Variants in ONECUT2 observed in about 807,000 individuals in gnomAD.
The protein encoded by ONECUT2 is one cut homeobox 2.
Under a neutral mutation model 27.9 loss-of-function variants are expected in ONECUT2, and 10 were observed. The observed-to-expected ratio is 0.36, with a 90% CI of 0.22 to 0.61. The LOEUF (loss-of-function observed/expected upper bound fraction) is 0.61, where lower values mean the gene tolerates loss of function less well. Among genes scored for constraint, ONECUT2 ranks in the 20% least tolerant of loss-of-function variants. ONECUT2 has a pLI of 0.73. For missense variants in ONECUT2, 686 were observed against 721.0 expected (o/e 0.95, Z 0.56); for synonymous variants, 334 against 315.1 (o/e 1.06, Z -0.64).
At chr18:57,462,558 C>G (rs958294625) in intron 1 of ONECUT2, among the ~76,000 whole-genome samples, 1 of 151,574 alleles carries the variant, frequency 6.6e-6, no homozygotes, top group African/African-American at 2.4e-5. Flanking sequence ...TGGCTAACTT[C>G]TTAAAATTGT....
chr18:57,465,936 T>G (rs1598940315), intron 1 of ONECUT2, among the ~76,000 whole-genome samples: 1 of 152,168 alleles, frequency 6.6e-6, no homozygotes, highest in East Asian at 1.9e-4. Flanking sequence ...CCTGGGATGC[T>G]GAGAAGCTGA....
rs1321736619 is a variant in ONECUT2, at chr18:57,481,980, G to A, written c.*5257G>A. The A allele has an allele frequency of 1.3e-5, 2 of 152,184 alleles. No individual in the cohort carries two copies. The highest frequency in any genetic ancestry group is 4.1e-4 in the South Asian group (2 of 4,834). 9.4% of individuals were successfully genotyped at this position (152,184 alleles called of 1,614,324 possible). ...AGTGGAAATGGTAGATGAAGAAGGG[G>A]TAGAGCTGGTGTATCTATAACTTTC... is the stretch of plus-strand genomic sequence containing the variant. On this transcript the variant is annotated 3_prime_UTR_variant, in exon 2 of 2. Coordinates refer to ENST00000491143, the MANE Select transcript of ONECUT2 (RefSeq NM_004852.3).
chr18:57,467,352 T>C (rs531100809), intron 1 of ONECUT2: 10 of 273,174 alleles, frequency 3.7e-5, no homozygotes, highest in Non-Finnish European at 6.1e-5. Flanking sequence ...TTGGTTTTTT[T>C]TTTGTTTGTT....
chr18:57,442,816 A>G (rs1436553375), intron 1 of ONECUT2, among the ~76,000 whole-genome samples: 2 of 152,162 alleles, frequency 1.3e-5, no homozygotes, highest in Non-Finnish European at 2.9e-5. Flanking sequence ...TGTCCCTACA[A>G]GGCACCAGCA....
In ONECUT2 at chr18:57,490,952, A is replaced by T. The variant is rs1242477410; in HGVS notation, c.*14229A>T. On this transcript the variant is annotated 3_prime_UTR_variant, in exon 2 of 2. Transcript: ENST00000491143. ...ACCCTGCGCTATATTTCCAAAGTGT[A>T]TTATAATCCAGATATTGCCCCATCT... is the stretch of plus-strand genomic sequence containing the variant. 9 of 152,638 alleles carry T rather than the reference A, an allele frequency of 5.9e-5. No homozygotes were observed. 9.5% of individuals were successfully genotyped at this position (152,638 alleles called of 1,614,324 possible). A position where few individuals can be genotyped will look rare whatever the true frequency, so the allele number is the denominator to read the frequency against.
Position 57,436,647 on chromosome 18 carries a change from A to T in ONECUT2, c.931A>T (p.Ser311Cys). 1 of 1,612,258 alleles carries T rather than the reference A, an allele frequency of 6.2e-7. No individual in the cohort carries two copies. Among genetic ancestry groups the T allele is most frequent in the South Asian group, 1.1e-5 (1 of 91,056 alleles). Residue 311 changes from serine (S) to cysteine (C), a missense_variant, in exon 1 of 2, where the codon AGT becomes TGT. Around this residue, in one of 4 missense-constraint regions of ONECUT2, gnomAD observed 511 missense variants for 488.1 expected, o/e 1.05. Transcript: ENST00000491143. The surrounding 1 kb of genome is among the most constrained non-coding windows in gnomAD (Gnocchi z 5.9). ...GTCTCACGGGCCGGTGCTGGCACCC[A>T]GTCGCGAGCGGCCACCCTCGTCCTC... Reference protein sequence around the residue: ...TQSHGPVLAPSRERPPSSSSG... With the variant: ...TQSHGPVLAPCRERPPSSSSG...
intron 1 of ONECUT2, among the ~76,000 whole-genome samples, chr18:57,437,657 G>A (rs921244821): frequency 6.6e-6 from 1 of 152,200 alleles, no homozygotes; most frequent in African/African-American, 2.4e-5. Context: ...CTACAGCGAG[G>A]GCAGGGTGTA....
At position 57,476,599 on chromosome 18, in the gene ONECUT2, G is replaced by T; in HGVS notation, c.1391G>T (p.Gly464Val). 6.2e-7 allele frequency: 1 copy of T among 1,614,194 alleles called. No individual in the cohort carries two copies. The highest frequency in any genetic ancestry group is 1.1e-5 in the South Asian group (1 of 91,082). Residue 464 changes from glycine to valine, a missense_variant, in exon 2 of 2, where the codon GGC (glycine) becomes GTC (valine). Physicochemically the swap from Gly to Val is moderately radical, Grantham distance 109 (BLOSUM62 -3). Coordinates refer to ENST00000491143, the MANE Select transcript of ONECUT2 (RefSeq NM_004852.3). ...EMQITISQQL[G>V]LELTTVSNFF... Reference sequence around the variant, plus strand: ...CAGATCACCATTTCCCAGCAGCTGGGCCTGGAGCTCACAACCGTCAGCAAC... The same window carrying T: ...CAGATCACCATTTCCCAGCAGCTGGTCCTGGAGCTCACAACCGTCAGCAAC...
chr18:57,435,481 T>G lies in ONECUT2; in HGVS notation c.-236T>G, dbSNP rs2050132339. On this transcript the variant is annotated 5_prime_UTR_variant, in exon 1 of 2. Transcript: ENST00000491143. ...CGGCCCGAGCGGCGGGGCCCGGTGATCCCTCCCTCCCTCCCCGTCCCCTCC... is the reference window on the plus strand; with the variant it reads ...CGGCCCGAGCGGCGGGGCCCGGTGAGCCCTCCCTCCCTCCCCGTCCCCTCC... Among the ~76,000 whole-genome samples, 1 of 136,562 alleles carries G rather than the reference T, an allele frequency of 7.3e-6. No individual in the cohort carries two copies. The highest frequency in any genetic ancestry group is 2.4e-4 in the South Asian group (1 of 4,122). The allele number at this position is 136,562 out of a possible 152,430, so 89.6% of individuals were successfully genotyped here.
chr18:57,439,072 C>T (rs1205091971), intron 1 of ONECUT2, among the ~76,000 whole-genome samples: 2 of 152,196 alleles, frequency 1.3e-5, no homozygotes, highest in Non-Finnish European at 2.9e-5. Context: ...CCCCTCATGC[C>T]GGTCGCGCAA....
chr18:57,442,969 A>G (rs1358052012), intron 1 of ONECUT2, among the ~76,000 whole-genome samples: 1 of 152,040 alleles, frequency 6.6e-6, no homozygotes. Flanking sequence ...GCTTCATTTT[A>G]CAGTCACCCC....
intron 1 of ONECUT2, among the ~76,000 whole-genome samples, chr18:57,472,146 G>C (rs555863143): frequency 2.6e-5 from 4 of 152,214 alleles, no homozygotes; most frequent in Non-Finnish European, 4.4e-5. Flanking sequence ...TGGAACACCT[G>C]CTGTTTCGTT....
intron 1 of ONECUT2, among the ~76,000 whole-genome samples, chr18:57,471,389 A>G (rs1023130988): frequency 2.6e-5 from 4 of 152,186 alleles, no homozygotes; most frequent in Non-Finnish European, 4.4e-5. Flanking sequence ...GTGGAGAGAC[A>G]TTCTCTCTCT....
At position 57,476,818 on chromosome 18, in the gene ONECUT2, G is replaced by A; in HGVS notation, c.*95G>A. 1 of 1,347,496 alleles carries A rather than the reference G, an allele frequency of 7.4e-7. No homozygotes were observed. Among genetic ancestry groups the A allele is most frequent in the Non-Finnish European group, 1.0e-6 (1 of 993,944 alleles). 83.5% of individuals were successfully genotyped at this position (1,347,496 alleles called of 1,614,324 possible). On this transcript the variant is annotated 3_prime_UTR_variant, in exon 2 of 2. Coordinates refer to ENST00000491143, the MANE Select transcript of ONECUT2 (RefSeq NM_004852.3). ...AAAAAGACACCGGATTCCTAGCTGG[G>A]GCCCTTCACTGGTGATTTGAAAGCA...
intron 1 of ONECUT2, among the ~76,000 whole-genome samples, chr18:57,455,747 T>C (rs1013533393): frequency 2.0e-5 from 3 of 152,194 alleles, no homozygotes; most frequent in Non-Finnish European, 2.9e-5. Context: ...CAGTGAGGAC[T>C]GGTCCTCCGG....
At position 57,435,578 on chromosome 18, in the gene ONECUT2, G is replaced by GA. The variant is rs2050133435; in HGVS notation, c.-139_-138insA. Reference sequence around the variant, plus strand: ...CGGGCGAGCCCGCCCGCAGCCCGGGGCGCACACCCGCACGCGCACTCCTCT... The same window carrying GA: ...CGGGCGAGCCCGCCCGCAGCCCGGGGACGCACACCCGCACGCGCACTCCTCT... On this transcript the variant is annotated 5_prime_UTR_variant, in exon 1 of 2. Coordinates refer to ENST00000491143, the MANE Select transcript of ONECUT2 (RefSeq NM_004852.3). 2 of 513,862 alleles carry GA rather than the reference G, an allele frequency of 3.9e-6. No individual in the cohort carries two copies. Among genetic ancestry groups the GA allele is most frequent in the Non-Finnish European group, 5.0e-6 (2 of 402,924 alleles). 31.8% of individuals were successfully genotyped at this position (513,862 alleles called of 1,614,324 possible).
In ONECUT2 at chr18:57,490,389, A is replaced by G. The variant is rs2050459484; in HGVS notation, c.*13666A>G. 2.0e-5 allele frequency: 3 copies of G among 152,198 alleles called. No individual in the cohort carries two copies. The highest frequency in any genetic ancestry group is 2.0e-4 in the Admixed American group (3 of 15,276). 9.4% of individuals were successfully genotyped at this position (152,198 alleles called of 1,614,324 possible). On this transcript the variant is annotated 3_prime_UTR_variant, in exon 2 of 2. Transcript: ENST00000491143. The stretch of plus-strand genomic sequence containing the variant: ...ATTTAAAAATACCTTTAAATTTCAC[A>G]TGCTGGCCTGCAGAACTTGCATCCT...
intron 1 of ONECUT2, among the ~76,000 whole-genome samples, chr18:57,472,651 G>A (rs2050360268): frequency 6.6e-6 from 1 of 152,066 alleles, no homozygotes; most frequent in African/African-American, 2.4e-5. Flanking sequence ...TTCTCTCTGT[G>A]CAGTTTGCTT....
At position 57,477,998 on chromosome 18, in the gene ONECUT2, C is replaced by T. The variant is rs1049750055; in HGVS notation, c.*1275C>T. ...TACATCTGGAGAAAACACAGCACAC[C>T]AAAGAAGCAGAATACTGCAAACCAA... On this transcript the variant is annotated 3_prime_UTR_variant, in exon 2 of 2. Coordinates refer to ENST00000491143, the MANE Select transcript of ONECUT2 (RefSeq NM_004852.3). 2 of 152,712 alleles carry T rather than the reference C, an allele frequency of 1.3e-5. No homozygotes were observed. The highest frequency in any genetic ancestry group is 2.1e-4 in the South Asian group (1 of 4,828). The allele number at this position is 152,712 out of a possible 1,614,324, so 9.5% of individuals were successfully genotyped here.
Sources: allele counts gnomAD v4.1 joint callset (sites outside exome capture counted in the v4.1 genomes callset), GRCh38; gene constraint gnomAD v4.1.1; regional missense constraint gnomAD v4.1.1; non-coding constraint Gnocchi (gnomAD v3.1); transcripts MANE v1.5; gene names NCBI Gene and HGNC (gene_info 2026-07-23, HGNC 2026-07-21).